Variants in NUDCD1 observed in about 807,000 individuals in gnomAD.
The protein encoded by NUDCD1 is nudC domain-containing protein 1.
A neutral mutation model predicts 67.8 loss-of-function variants in NUDCD1; 60 were observed. That is an observed-to-expected ratio of 0.88 (90% CI 0.72 to 1.10). The LOEUF is 1.10. Ranked by LOEUF, NUDCD1 falls within the 50% of genes least tolerant of loss-of-function variation. The pLI, the probability that NUDCD1 is intolerant of heterozygous loss-of-function variation, is 0.00. For missense variants in NUDCD1, 643 were observed against 695.0 expected (o/e 0.93, Z 0.84); for synonymous variants, 244 against 230.8 (o/e 1.06, Z -0.52).
chr8:109,333,606 G>C (rs1293608916), intron 1 of NUDCD1, among the ~76,000 whole-genome samples: 1 of 152,178 alleles, frequency 6.6e-6, no homozygotes, highest in Non-Finnish European at 1.5e-5. Flanking sequence ...ACAGCAGCCA[G>C]AGCCCCAGGC....
chr8:109,310,741 A>G (rs2926257), intron 2 of NUDCD1, among the ~76,000 whole-genome samples: 54,514 of 151,518 alleles, frequency 0.36, 10,645 homozygotes, highest in South Asian at 0.5. Flanking sequence ...ACTAATATCC[A>G]GAATCTACAA....
In NUDCD1 at chr8:109,243,100, T is replaced by A. The variant is rs768889741; in HGVS notation, c.1661A>T (p.Asp554Val). 6 of 1,613,680 alleles carry A rather than the reference T, an allele frequency of 3.7e-6. No homozygotes were observed. The highest frequency in any genetic ancestry group is 5.1e-6 in the Non-Finnish European group (6 of 1,179,662). The change falls in exon 10 of 10, where the codon GAT (aspartate) becomes GTT (valine). Residue 554 changes from aspartate to valine, a missense_variant. Physicochemically the swap from Asp to Val is radical, Grantham distance 152. Coordinates refer to ENST00000239690, the MANE Select transcript of NUDCD1 (RefSeq NM_032869.4). ...KQQVASLETN[D>V]PILGFQATNE... ...TGTTGCCTGAAATCCTAAAATAGGA[T>A]CATTGGTTTCTAGGCTTGCTACTTG...
Position 109,245,539 on chromosome 8 carries a change from A to G in NUDCD1, c.1300-58T>C, listed in dbSNP as rs1007430834. On this transcript the variant is annotated intron_variant, in intron 8 of 9. Transcript: ENST00000239690. ...CAACAAATTAATAATAGCAACAATA[A>G]CAATGGCAGAAGCTGACAGCCAGCA... 20 of 1,355,540 alleles carry G rather than the reference A, an allele frequency of 1.5e-5. No individual in the cohort carries two copies. The African/African-American group carries it at 2.8e-4, about 19-fold the overall frequency. 84.0% of individuals were successfully genotyped at this position (1,355,540 alleles called of 1,614,324 possible). A position where few individuals can be genotyped will look rare whatever the true frequency, so the allele number is the denominator to read the frequency against.
intron 8 of NUDCD1, among the ~76,000 whole-genome samples, chr8:109,254,590 T>C (rs755841503): frequency 6.6e-6 from 1 of 152,080 alleles, no homozygotes; most frequent in Non-Finnish European, 1.5e-5. Context: ...GAAAAGGTTA[T>C]ATTTACCTTT....
At chr8:109,273,865 C>G (rs746977699) in intron 7 of NUDCD1, among the ~76,000 whole-genome samples, 41 of 151,940 alleles carry the variant, frequency 2.7e-4, no homozygotes, top group Non-Finnish European at 4.0e-4. Flanking sequence ...AAAAACAAAA[C>G]AACACAAAAC....
chr8:109,314,993 T>C lies in NUDCD1; in HGVS notation c.273+7316A>G, dbSNP rs1478706604. Among the ~76,000 whole-genome samples, 6 of 152,236 alleles carry C rather than the reference T, an allele frequency of 3.9e-5. No homozygotes were observed. The East Asian group carries it at 1.2e-3, about 29-fold the overall frequency. On this transcript the variant is annotated intron_variant, in intron 2 of 9. Coordinates refer to ENST00000239690, the MANE Select transcript of NUDCD1 (RefSeq NM_032869.4). ...CATTTACTAGTATTATTAGATACTA[T>C]TTACTAGTATTATGAGACAATGATA...
intron 5 of NUDCD1, among the ~76,000 whole-genome samples, chr8:109,286,460 A>C (rs1325103953): frequency 6.6e-6 from 1 of 151,890 alleles, no homozygotes; most frequent in Admixed American, 6.6e-5. Flanking sequence ...CCAGTGGACC[A>C]AGAAATAAAG....
chr8:109,255,822 T>C (rs1328054285), intron 8 of NUDCD1, among the ~76,000 whole-genome samples: 1 of 152,124 alleles, frequency 6.6e-6, no homozygotes, highest in African/African-American at 2.4e-5. Context: ...GTAGAACATT[T>C]CAGGCAGAGA....
chr8:109,244,073 A>G (rs1007854410), intron 9 of NUDCD1, among the ~76,000 whole-genome samples: 21 of 152,132 alleles, frequency 1.4e-4, no homozygotes, highest in Non-Finnish European at 2.4e-4. Flanking sequence ...GGTATTTATG[A>G]TCATGTAAAA....
intron 5 of NUDCD1, 24 bp downstream of exon 5, chr8:109,289,727 A>C: frequency 8.7e-7 from 1 of 1,155,200 alleles, no homozygotes; most frequent in Non-Finnish European, 1.3e-6. Flanking sequence ...AATACCAATA[A>C]GCTCTATTAA....
intron 5 of NUDCD1, among the ~76,000 whole-genome samples, chr8:109,288,823 T>C (rs1043939844): frequency 6.6e-6 from 1 of 152,120 alleles, no homozygotes; most frequent in African/African-American, 2.4e-5. Context: ...TTAAATATTA[T>C]AAAAATCTCT....
chr8:109,308,213 T>C lies in NUDCD1; in HGVS notation c.274-11644A>G, dbSNP rs536657519. Among the ~76,000 whole-genome samples, 3 of 152,310 alleles carry C rather than the reference T, an allele frequency of 2.0e-5. No individual in the cohort carries two copies. The South Asian group carries it at 6.2e-4, about 32-fold the overall frequency. ...CGTAAATACATGGAAATTAATTAAC[T>C]GCTCCTGAATGATCATTGGGTCAAA... is the stretch of plus-strand genomic sequence containing the variant. On this transcript the variant is annotated intron_variant, in intron 2 of 9. Transcript: ENST00000239690.
chr8:109,302,285 A>C (rs1016056034), intron 2 of NUDCD1, among the ~76,000 whole-genome samples: 1 of 152,122 alleles, frequency 6.6e-6, no homozygotes, highest in Non-Finnish European at 1.5e-5. Context: ...TTCTCATAAA[A>C]TGGGCAAATG....
At chr8:109,327,063 G>A (rs1172896520) in intron 1 of NUDCD1, among the ~76,000 whole-genome samples, 1 of 152,182 alleles carries the variant, frequency 6.6e-6, no homozygotes, top group South Asian at 2.1e-4. Flanking sequence ...GGCCAAGAAC[G>A]TTAACTTACA....
At chr8:109,285,304 A>G (rs1358375792) in intron 5 of NUDCD1, among the ~76,000 whole-genome samples, 1 of 152,162 alleles carries the variant, frequency 6.6e-6, no homozygotes, top group Non-Finnish European at 1.5e-5. Context: ...CTCCCTCCCT[A>G]ACTCACTCTA....
chr8:109,281,014 A>G lies in NUDCD1; in HGVS notation c.982T>C (p.Ser328Pro), dbSNP rs746916749. 6 of 1,609,892 alleles carry G rather than the reference A, an allele frequency of 3.7e-6. No individual in the cohort carries two copies. In the Admixed American group the frequency reaches 1.0e-4, roughly 27 times the overall value. Residue 328 changes from serine to proline, a missense_variant, in exon 6 of 10, where the codon TCT becomes CCT. Transcript: ENST00000239690. Reference sequence around the variant, plus strand: ...CATGTACTGCTTTCATGATCAATAGATGAATAGAGTTTTCCTTCTAAAAAC... The same window carrying G: ...CATGTACTGCTTTCATGATCAATAGGTGAATAGAGTTTTCCTTCTAAAAAC... ...HQFLEGKLYS[S>P]IDHESSTWII...
intron 8 of NUDCD1, among the ~76,000 whole-genome samples, chr8:109,255,778 T>C (rs1813721748): frequency 6.7e-6 from 1 of 150,358 alleles, no homozygotes; most frequent in Non-Finnish European, 1.5e-5. Context: ...ATAAAGAGAA[T>C]AAGAGGAATA....
chr8:109,278,391 T>A (rs187353540), intron 6 of NUDCD1, among the ~76,000 whole-genome samples: 1,642 of 152,318 alleles, frequency 0.011, 25 homozygotes, highest in African/African-American at 0.037. Context: ...TATCTTTTTT[T>A]AAAAAGACAC....
chr8:109,322,518 C>A, intron 1 of NUDCD1, 55 bp from the exon 2 acceptor site: 1 of 1,431,960 alleles, frequency 7.0e-7, no homozygotes, highest in Non-Finnish European at 9.6e-7. Flanking sequence ...CAGATAGTTT[C>A]TATCTGTAGA....
Sources: gnomAD v4.1 joint callset for allele counts (sites outside exome capture counted in the v4.1 genomes callset) on GRCh38, gnomAD v4.1.1 for gene constraint, MANE v1.5 for transcripts, NCBI Gene and HGNC (gene_info 2026-07-23, HGNC 2026-07-21) for gene names.